The following USP7 variants were observed in gnomAD, a reference collection of about 807,000 sequenced individuals.
USP7 encodes the protein ubiquitin specific peptidase 7.
USP7 carries 9 observed loss-of-function variants against 162.9 expected under a neutral mutation model. The observed-to-expected ratio is 0.06, with a 90% confidence interval of 0.03 to 0.10. USP7 has a LOEUF of 0.10. Among genes scored for constraint, USP7 ranks in the 10% least tolerant of loss-of-function variants. USP7 has a pLI of 1.00. For synonymous variants in USP7, 562 were observed against 475.9 expected, an observed-to-expected ratio of 1.18 and a Z score of -2.35; for missense variants, 715 against 1,373.7, an observed-to-expected ratio of 0.52 and a Z score of 7.58.
Position 8,892,606 on chromosome 16 carries a change from T to TGA in USP7, c.*1391_*1392insTC, listed in dbSNP as rs1491475782. On this transcript the variant is annotated 3_prime_UTR_variant, in exon 31 of 31. Transcript: ENST00000344836. ...AGAGTAAATGTGACTAGTTAGAGGC[T>TGA]AAAAAAAAAAAAAAAAAAAAAAAGA... 2.8e-4 allele frequency: 33 copies of TGA among 120,000 alleles called. No homozygotes were observed. Among genetic ancestry groups the TGA allele is most frequent in the African/African-American group, 8.7e-4 (28 of 32,180 alleles). 7.4% of individuals were successfully genotyped at this position (120,000 alleles called of 1,614,324 possible).
At chr16:8,895,227 C>G in intron 27 of USP7, 77 bp from the exon 28 acceptor site, 1 of 1,605,128 alleles carries the variant, frequency 6.2e-7, no homozygotes, top group Non-Finnish European at 8.5e-7. Context: ...AATTCTCACA[C>G]TACTCTAACC....
chr16:8,960,442 G>A (rs1313132640), intron 1 of USP7, among the ~76,000 whole-genome samples: 3 of 152,210 alleles, frequency 2.0e-5, no homozygotes, highest in African/African-American at 7.2e-5. Flanking sequence ...GCAACCCCAA[G>A]AATGTGAGGC....
At chr16:8,951,120 G>C (rs903845920) in intron 1 of USP7, among the ~76,000 whole-genome samples, 24 of 152,178 alleles carry the variant, frequency 1.6e-4, no homozygotes, top group Non-Finnish European at 3.2e-4. Flanking sequence ...TAACAGGCAA[G>C]GCTTAAAGTC....
rs888293547 is a variant in USP7 at position 8,901,894 on chromosome 16, G to C, written c.2047+188C>G. On this transcript the variant is annotated intron_variant, in intron 18 of 30. Coordinates refer to ENST00000344836, the MANE Select transcript of USP7 (RefSeq NM_003470.3). ...CCCACGTGGCTGCTACTGTCTCCGG[G>C]CCTCACAGGAAACTCGCAGCCAAGT... 3 of 599,454 alleles carry C rather than the reference G, an allele frequency of 5.0e-6. No homozygotes were observed. The African/African-American group carries it at 5.6e-5, about 11-fold the overall frequency. 37.1% of individuals were successfully genotyped at this position (599,454 alleles called of 1,614,324 possible). A position where few individuals can be genotyped will look rare whatever the true frequency, so the allele number is the denominator to read the frequency against.
At chr16:8,919,386 G>A (rs759611555) in intron 5 of USP7, among the ~76,000 whole-genome samples, 1 of 152,070 alleles carries the variant, frequency 6.6e-6, no homozygotes, top group Non-Finnish European at 1.5e-5. Flanking sequence ...TCCTGTCACT[G>A]ATCAAGCCCA....
intron 1 of USP7, among the ~76,000 whole-genome samples, chr16:8,956,779 A>C (rs962438826): frequency 2.0e-5 from 3 of 148,808 alleles, no homozygotes; most frequent in South Asian, 2.1e-4. Context: ...ACAAAAACAA[A>C]AAAAAAAAAA....
At chr16:8,945,592 G>C (rs371456257) in intron 1 of USP7, among the ~76,000 whole-genome samples, 1 of 152,118 alleles carries the variant, frequency 6.6e-6, no homozygotes, top group African/African-American at 2.4e-5. Flanking sequence ...GGGACATACC[G>C]TGCCCATGGA....
intron 18 of USP7, 123 bp downstream of exon 18, chr16:8,901,959 T>C (rs900500896): frequency 1.2e-6 from 1 of 817,526 alleles, no homozygotes; most frequent in Non-Finnish European, 1.9e-6. Flanking sequence ...AGTGAGCTTT[T>C]GTGGAATTGA....
At chr16:8,915,559 T>G (rs1291233119) in intron 8 of USP7, 34 bp from the exon 9 acceptor site, 1 of 1,588,306 alleles carries the variant, frequency 6.3e-7, no homozygotes, top group Non-Finnish European at 8.6e-7. Flanking sequence ...AAAAAAACTT[T>G]TTTGTACTTA....
intron 11 of USP7, 141 bp from the exon 12 acceptor site, chr16:8,908,591 G>A: frequency 1.6e-6 from 1 of 640,122 alleles, no homozygotes; most frequent in Non-Finnish European, 2.7e-6. Context: ...GTCCATTTAG[G>A]GCATCTTTGA....
chr16:8,954,783 AC>A (rs902180720), intron 1 of USP7, among the ~76,000 whole-genome samples: 2 of 151,058 alleles, frequency 1.3e-5, no homozygotes, highest in African/African-American at 2.4e-5. Flanking sequence ...CCATGGTAAA[AC>A]CCCCCCTCTA....
chr16:8,952,044 G>A (rs1274617355), intron 1 of USP7, among the ~76,000 whole-genome samples: 3 of 150,228 alleles, frequency 2.0e-5, no homozygotes, highest in Non-Finnish European at 4.4e-5. Flanking sequence ...GAAAATGGAT[G>A]AAAGCAGGAG....
At chr16:8,914,325 T>A (rs1201777396) in intron 10 of USP7, among the ~76,000 whole-genome samples, 1 of 151,936 alleles carries the variant, frequency 6.6e-6, no homozygotes, top group Non-Finnish European at 1.5e-5. Context: ...ACCTTCCTGA[T>A]GACTGTGCAA....
intron 2 of USP7, among the ~76,000 whole-genome samples, chr16:8,929,071 G>T (rs891283932): frequency 1.3e-5 from 2 of 152,090 alleles, no homozygotes; most frequent in South Asian, 2.1e-4. Flanking sequence ...AAAACAGTAG[G>T]GAAATGTTGG....
Position 8,898,628 on chromosome 16 carries a change from C to A in USP7, c.2543G>T (p.Gly848Val), listed in dbSNP as rs2061724525. The A allele has an allele frequency of 3.1e-6, 5 of 1,595,508 alleles. No homozygotes were observed. Among genetic ancestry groups the A allele is most frequent in the Non-Finnish European group, 4.3e-6 (5 of 1,174,404 alleles). Residue 848 changes from glycine to valine, a missense_variant, in exon 24 of 31, where the codon GGC (glycine) becomes GTC (valine). By Grantham distance (109) the Gly-to-Val change is moderately radical. Coordinates refer to ENST00000344836, the MANE Select transcript of USP7 (RefSeq NM_003470.3). ...QFFKSQGYRD[G>V]PGNPLRHNYE... ...ATTATGTCTAAGAGGATTACCTGGGCCATCCCTATAACTACACAAGAAAAC... is the reference window on the plus strand; with the variant it reads ...ATTATGTCTAAGAGGATTACCTGGGACATCCCTATAACTACACAAGAAAAC...
intron 4 of USP7, 88 bp from the exon 5 acceptor site, chr16:8,920,535 A>G: frequency 9.7e-7 from 1 of 1,032,094 alleles, no homozygotes; most frequent in Non-Finnish European, 1.4e-6. Context: ...CCTGTACTTA[A>G]TAGAGATGAA....
In USP7 at chr16:8,963,580, C is replaced by CCGG. The variant is rs1318920435; in HGVS notation, c.-296_-295insCCG. The CCGG allele has an allele frequency of 1.4e-5, 2 of 139,654 alleles. No homozygotes were observed. The highest frequency in any genetic ancestry group is 5.1e-5 in the African/African-American group (2 of 39,032). 8.7% of individuals were successfully genotyped at this position (139,654 alleles called of 1,614,324 possible). ...TCGCTCGCTGCGGCCGCCGCCGCCGCCGCCGCGGGGCCCGCCTCCCGCCGC... is the reference window on the plus strand; with the variant it reads ...TCGCTCGCTGCGGCCGCCGCCGCCGCCGGCGCCGCGGGGCCCGCCTCCCGCCGC... On this transcript the variant is annotated 5_prime_UTR_variant, in exon 1 of 31. Transcript: ENST00000344836.
In USP7 at chr16:8,910,723, T is replaced by G. The variant is rs2061933170; in HGVS notation, c.1161+22A>C. 3 of 1,608,928 alleles carry G rather than the reference T, an allele frequency of 1.9e-6. No individual in the cohort carries two copies. In the East Asian group the frequency reaches 6.7e-5, roughly 36 times the overall value. On this transcript the variant is annotated intron_variant, in intron 11 of 30. Coordinates refer to ENST00000344836, the MANE Select transcript of USP7 (RefSeq NM_003470.3). ...AAAGAAGAACGCTACAACAGGACAC[T>G]AGCACAAAACACTCAATTTACCTGT...
chr16:8,912,278 C>T (rs1471702852), intron 10 of USP7, among the ~76,000 whole-genome samples: 2 of 151,886 alleles, frequency 1.3e-5, no homozygotes, highest in Non-Finnish European at 2.9e-5. Context: ...ATGGTGAAAC[C>T]CCGTCTCTAC....
Sources: gnomAD v4.1 joint callset for allele counts (sites outside exome capture counted in the v4.1 genomes callset) on GRCh38, gnomAD v4.1.1 for gene constraint, MANE v1.5 for transcripts, NCBI Gene and HGNC (gene_info 2026-07-23, HGNC 2026-07-21) for gene names.